MYO7A: variants seen among roughly 807,000 people sequenced by gnomAD.
MYO7A encodes the protein unconventional myosin-VIIa.
MYO7A carries 210 observed loss-of-function variants against 263.8 expected under a neutral mutation model. The observed-to-expected ratio is 0.80, with a 90% CI of 0.71 to 0.89. The LOEUF (loss-of-function observed/expected upper bound fraction) is 0.89. MYO7A is among the 40% of genes least tolerant of loss of function. The pLI is 0.00. For synonymous variants in MYO7A, 1,239 were observed against 1,197.3 expected (o/e 1.03, Z -0.72); for missense variants, 2,820 against 2,968.3 (o/e 0.95, Z 1.16).
chr11:77,152,002 C>T (rs1555057433), intron 4 of MYO7A, among the ~76,000 whole-genome samples: 2 of 152,180 alleles, frequency 1.3e-5, no homozygotes, highest in South Asian at 2.1e-4. Flanking sequence ...GGAGGCTCGC[C>T]TCTCTCATCT....
intron 2 of MYO7A, among the ~76,000 whole-genome samples, chr11:77,141,410 A>G (rs1449519606): frequency 6.6e-6 from 1 of 152,182 alleles, no homozygotes; most frequent in Non-Finnish European, 1.5e-5. Flanking sequence ...TCAGACCATT[A>G]CCACGGTTTA....
In MYO7A at chr11:77,156,021, A is replaced by G; in HGVS notation, c.400A>G (p.Ile134Val). Reference protein sequence around the residue: ...NKKIGEMPPHIFAIADNCYFN... With the variant: ...NKKIGEMPPHVFAIADNCYFN... ...GAAGATTGGGGAGATGCCCCCCCAC[A>G]TCTTTGCCATTGCTGACAACTGCTA... Residue 134 changes from isoleucine to valine, a missense_variant, in exon 5 of 49, where the codon ATC becomes GTC. Transcript: ENST00000409709. 1 of 1,613,928 alleles carries G rather than the reference A, an allele frequency of 6.2e-7. No individual in the cohort carries two copies.
chr11:77,182,228 G>A, intron 24 of MYO7A, 74 bp downstream of exon 24: 1 of 1,569,272 alleles, frequency 6.4e-7, no homozygotes, highest in Non-Finnish European at 8.7e-7. Flanking sequence ...TGCTGGTGGT[G>A]GCCGTAGGTG....
chr11:77,198,744 G>C (rs946349400), intron 34 of MYO7A, 123 bp downstream of exon 34: 5 of 1,445,210 alleles, frequency 3.5e-6, no homozygotes, highest in Middle Eastern at 2.2e-4. Context: ...TGATTGGGCA[G>C]TTTGTGCCGC....
intron 44 of MYO7A, among the ~76,000 whole-genome samples, chr11:77,209,683 C>T (rs12274072): frequency 0.44 from 67,387 of 152,144 alleles, 15,352 homozygotes; most frequent in South Asian, 0.56. Flanking sequence ...CCCCATGTCT[C>T]TCCATCACCA....
In MYO7A at chr11:77,213,948, G is replaced by A. The variant is rs761867896; in HGVS notation, c.6527G>A (p.Arg2176His). The A allele has an allele frequency of 2.2e-5, 36 of 1,613,942 alleles. No homozygotes were observed. Among genetic ancestry groups the A allele is most frequent in the East Asian group, 1.1e-4 (5 of 44,890 alleles). ...YFHITIGNLV[R>H]GSKLLCETSL... ...CACATCACCATTGGGAACTTGGTGCGCGGGAGCAAACTGCTCTGCGAGACG... is the reference window on the plus strand; with the variant it reads ...CACATCACCATTGGGAACTTGGTGCACGGGAGCAAACTGCTCTGCGAGACG... Residue 2176 changes from arginine (R) to histidine (H), a missense_variant, in exon 48 of 49, where the codon CGC becomes CAC. Arg to His is a conservative substitution (Grantham distance 29). Coordinates refer to ENST00000409709, the MANE Select transcript of MYO7A (RefSeq NM_000260.4).
chr11:77,200,490 C>T (rs911303083), intron 35 of MYO7A, among the ~76,000 whole-genome samples: 3 of 152,192 alleles, frequency 2.0e-5, no homozygotes, highest in Non-Finnish European at 4.4e-5. Flanking sequence ...CGGCACCACA[C>T]TGTTCATGAG....
At chr11:77,153,284 C>T (rs549790747) in intron 4 of MYO7A, among the ~76,000 whole-genome samples, 1 of 152,048 alleles carries the variant, frequency 6.6e-6, no homozygotes, top group East Asian at 1.9e-4. Context: ...CCCCAGTTTC[C>T]TGCCCTGGGT....
chr11:77,203,098 C>T lies in MYO7A; in HGVS notation c.5207C>T (p.Ser1736Phe), dbSNP rs1400607061. 1 of 1,548,962 alleles carries T rather than the reference C, an allele frequency of 6.5e-7. No individual in the cohort carries two copies. The highest frequency in any genetic ancestry group is 2.4e-5 in the East Asian group (1 of 40,930). The stretch of plus-strand genomic sequence containing the variant: ...CACACGCTGAGCCGTGTCATGGTGT[C>T]CAAGGCCCGAGGCAAGGACCGGCTG... ...PKHTLSRVMV[S>F]KARGKDRLWS... Residue 1736 changes from serine to phenylalanine, a missense_variant, in exon 38 of 49, where the codon TCC (serine) becomes TTC (phenylalanine). By Grantham distance (155) the Ser-to-Phe change is radical (BLOSUM62 -2). Coordinates refer to ENST00000409709, the MANE Select transcript of MYO7A (RefSeq NM_000260.4).
intron 15 of MYO7A, among the ~76,000 whole-genome samples, 161 bp downstream of exon 15, chr11:77,166,323 G>T (rs574142864): frequency 1.3e-5 from 2 of 152,304 alleles, no homozygotes; most frequent in South Asian, 4.1e-4. Context: ...GGCCTCAAAG[G>T]TGTTCCCATC....
intron 15 of MYO7A, among the ~76,000 whole-genome samples, chr11:77,167,912 C>T (rs1193624192): frequency 7.2e-5 from 11 of 152,160 alleles, no homozygotes; most frequent in African/African-American, 2.7e-4. Flanking sequence ...GGCTGGCCGA[C>T]TGCTGGGGTG....
chr11:77,206,443 C>G (rs1957451809), intron 41 of MYO7A, among the ~76,000 whole-genome samples: 1 of 152,220 alleles, frequency 6.6e-6, no homozygotes, highest in African/African-American at 2.4e-5. Flanking sequence ...GCCCCTCCCT[C>G]CCTGTCTCTG....
intron 26 of MYO7A, among the ~76,000 whole-genome samples, chr11:77,183,366 C>G (rs1408819950): frequency 6.6e-6 from 1 of 151,938 alleles, no homozygotes; most frequent in Non-Finnish European, 1.5e-5. Flanking sequence ...GGTGGGATCT[C>G]AGGCCGGGGG....
intron 15 of MYO7A, among the ~76,000 whole-genome samples, chr11:77,172,162 T>A (rs982152698): frequency 1.3e-5 from 2 of 152,200 alleles, no homozygotes; most frequent in African/African-American, 4.8e-5. Context: ...CTTTCTAGGT[T>A]GCTGTTTACT....
chr11:77,208,307 C>T, intron 42 of MYO7A, 123 bp from the exon 43 acceptor site: 1 of 753,520 alleles, frequency 1.3e-6, no homozygotes, highest in Non-Finnish European at 2.2e-6. Context: ...CACACAGAAA[C>T]CCCTTCCGGC....
intron 28 of MYO7A, 48 bp downstream of exon 28, chr11:77,189,518 G>A (rs1555090526): frequency 6.2e-7 from 1 of 1,610,036 alleles, no homozygotes; most frequent in Admixed American, 1.7e-5. Context: ...GCTAGGCCCT[G>A]TCCCAGCACT....
chr11:77,193,468 TTGG>T (rs1404838279), intron 31 of MYO7A, among the ~76,000 whole-genome samples: 1 of 137,130 alleles, frequency 7.3e-6, no homozygotes, highest in Non-Finnish European at 1.6e-5. Context: ...AGGCATAGTG[TTGG>T]TAGTGATGAT....
intron 18 of MYO7A, 116 bp downstream of exon 18, chr11:77,175,580 G>C: frequency 2.0e-6 from 2 of 993,780 alleles, no homozygotes; most frequent in Non-Finnish European, 3.2e-6. Context: ...TTTCTGCCGG[G>C]CTGTGGTGTG....
At chr11:77,193,993 C>T (rs151125690) in intron 31 of MYO7A, 1 of 492,896 alleles carries the variant, frequency 2.0e-6, no homozygotes, top group African/African-American at 1.9e-5. Context: ...CAGACACTTC[C>T]TCTTCTGCTG....
Sources: allele counts gnomAD v4.1 joint callset (sites outside exome capture counted in the v4.1 genomes callset), GRCh38; gene constraint gnomAD v4.1.1; transcripts MANE v1.5; gene names NCBI Gene and HGNC (gene_info 2026-07-23, HGNC 2026-07-21).